Variants in TUBGCP4 observed in about 807,000 individuals in gnomAD.
The protein encoded by TUBGCP4 is tubulin gamma complex component 4.
A neutral mutation model predicts 91.6 loss-of-function variants in TUBGCP4; 54 were observed. That is an observed-to-expected ratio of 0.59 (90% confidence interval 0.47 to 0.74). The LOEUF (loss-of-function observed/expected upper bound fraction) is 0.74. TUBGCP4 is among the 30% of genes least tolerant of loss of function. The probability of loss-of-function intolerance (pLI) is 0.00; values close to 1 mark genes in which losing one functional copy is unlikely to be tolerated. For synonymous variants in TUBGCP4, 297 were observed against 302.8 expected (o/e 0.98, Z 0.20); for missense variants, 593 against 800.9 (o/e 0.74, Z 3.13).
chr15:43,393,609 A>C (rs149181595), intron 9 of TUBGCP4, among the ~76,000 whole-genome samples: 3,229 of 151,584 alleles, frequency 0.021, 53 homozygotes, highest in Middle Eastern at 0.075. Flanking sequence ...CCCCCACCCT[A>C]CAACAGTCCC....
chr15:43,407,667 C>T lies in TUBGCP4; in HGVS notation c.*2453C>T. 2 of 1,212,334 alleles carry T rather than the reference C, an allele frequency of 1.6e-6. No homozygotes were observed. The highest frequency in any genetic ancestry group is 1.5e-5 in the South Asian group (1 of 65,610). 75.1% of individuals were successfully genotyped at this position (1,212,334 alleles called of 1,614,324 possible). Reference sequence around the variant, plus strand: ...ATTCTAACCAATACATCCCACTCTGCACAAACCAAAGCCCTATTATGTCAA... The same window carrying T: ...ATTCTAACCAATACATCCCACTCTGTACAAACCAAAGCCCTATTATGTCAA... On this transcript the variant is annotated 3_prime_UTR_variant, in exon 18 of 18. Coordinates refer to ENST00000564079, the MANE Select transcript of TUBGCP4 (RefSeq NM_014444.5).
At chr15:43,395,836 G>A (rs1198099782) in intron 11 of TUBGCP4, 148 bp downstream of exon 11, 2 of 669,604 alleles carry the variant, frequency 3.0e-6, no homozygotes, top group Admixed American at 4.8e-5. Flanking sequence ...GGCTCTTGCA[G>A]GTAGGCTTCA....
In TUBGCP4 at chr15:43,395,117, AG is replaced by A; in HGVS notation, c.1026del (p.Lys342AsnfsTer2). 6.2e-7 allele frequency: 1 copy of A among 1,614,140 alleles called. No homozygotes were observed. The highest frequency in any genetic ancestry group is 8.5e-7 in the Non-Finnish European group (1 of 1,180,032). ...IRSTVAEHLWKLMVEESDLLG... is the reference protein window; with the variant it reads ...IRSTVAEHLWXLMVEESDLLG... ...TGGTTGTTTTCATAGCATCTCTGGAAGTTGATGGTAGAAGAATCCGATTTAC... is the reference window on the plus strand; with the variant it reads ...TGGTTGTTTTCATAGCATCTCTGGAATTGATGGTAGAAGAATCCGATTTAC... On this transcript the variant is annotated frameshift_variant, in exon 10 of 18. Coordinates refer to ENST00000564079, the MANE Select transcript of TUBGCP4 (RefSeq NM_014444.5). LOFTEE classifies it high-confidence loss of function.
intron 1 of TUBGCP4, among the ~76,000 whole-genome samples, chr15:43,372,102 G>A (rs2044132915): frequency 6.6e-6 from 1 of 152,314 alleles, no homozygotes; most frequent in Admixed American, 6.5e-5. Context: ...TCTGGCTTCA[G>A]TATTTGAACT....
At chr15:43,377,629 GAAAA>G (rs927238786) in intron 4 of TUBGCP4, 11 of 361,236 alleles carry the variant, frequency 3.0e-5, no homozygotes, top group Middle Eastern at 7.4e-4. Context: ...AAAAAAAAAA[GAAAA>G]AAGAAAAAAA....
Position 43,395,664 on chromosome 15 carries a change from C to G in TUBGCP4, c.1147C>G (p.Pro383Ala). The change falls in exon 11 of 18, where the codon CCA (proline) becomes GCA (alanine). Residue 383 changes from proline to alanine, a missense_variant. Coordinates refer to ENST00000564079, the MANE Select transcript of TUBGCP4 (RefSeq NM_014444.5). The stretch of plus-strand genomic sequence containing the variant: ...CACAGCTCAACACATGTTGAAAACA[C>G]CACCCACTGCAGTAACTGAGCATGG... ...IDTAQHMLKT[P>A]PTAVTEHDVN... 1 of 1,613,824 alleles carries G rather than the reference C, an allele frequency of 6.2e-7. No individual in the cohort carries two copies. Among genetic ancestry groups the G allele is most frequent in the South Asian group, 1.1e-5 (1 of 91,082 alleles).
Position 43,371,387 on chromosome 15 carries a change from G to C in TUBGCP4, c.33G>C (p.Gly11=). The C allele has an allele frequency of 6.2e-7, 1 of 1,614,110 alleles. No individual in the cohort carries two copies. Residue 11 remains glycine (G), a synonymous_variant, in exon 1 of 18, where the codon GGG becomes GGC. Coordinates refer to ENST00000564079, the MANE Select transcript of TUBGCP4 (RefSeq NM_014444.5). ...ACGAACTGCTCTTGGCTCTGAGCGG[G>C]TACCCTGGGTCCATTTTCACCTGGA... MIHELLLALS[G]YPGSIFTWNK...
At chr15:43,396,868 T>C (rs2142863523) in intron 11 of TUBGCP4, among the ~76,000 whole-genome samples, 1 of 152,330 alleles carries the variant, frequency 6.6e-6, no homozygotes, top group Admixed American at 6.5e-5. Context: ...TTGGCCTGGC[T>C]TGGTCATGTT....
At chr15:43,404,597 T>G in intron 17 of TUBGCP4, 45 bp downstream of exon 17, 1 of 1,600,166 alleles carries the variant, frequency 6.2e-7, no homozygotes, top group Non-Finnish European at 8.5e-7. Flanking sequence ...TTAAGGTGGC[T>G]TTTTAATGAG....
At chr15:43,382,359 A>G (rs2044297915) in intron 6 of TUBGCP4, among the ~76,000 whole-genome samples, 1 of 152,212 alleles carries the variant, frequency 6.6e-6, no homozygotes, top group Non-Finnish European at 1.5e-5. Context: ...GAATTCCTTC[A>G]TAGCTGTTCT....
intron 9 of TUBGCP4, 47 bp downstream of exon 9, chr15:43,386,377 A>ATATATATTTTTTTTTT (rs1555394852): frequency 5.2e-5 from 1 of 19,102 alleles, no homozygotes; most frequent in African/African-American, 3.0e-4. Context: ...ATATATATAT[A>ATATATATTTTTTTTTT]TTTTTTTTTT....
At chr15:43,371,522 A>G in intron 1 of TUBGCP4, 90 bp downstream of exon 1, 1 of 1,357,480 alleles carries the variant, frequency 7.4e-7, no homozygotes, top group Non-Finnish European at 1.0e-6. Flanking sequence ...GGACCTAGCG[A>G]GCGGGGCTTC....
intron 13 of TUBGCP4, 121 bp from the exon 14 acceptor site, chr15:43,399,923 A>G: frequency 1.7e-6 from 1 of 599,900 alleles, no homozygotes; most frequent in Non-Finnish European, 2.8e-6. Flanking sequence ...ATCTCTAGTC[A>G]CTCTTTCCTT....
chr15:43,407,725 G>GTT lies in TUBGCP4; in HGVS notation c.*2512_*2513dup. The GTT allele has an allele frequency of 2.4e-6, 2 of 818,930 alleles. No homozygotes were observed. The highest frequency in any genetic ancestry group is 3.8e-6 in the Non-Finnish European group (2 of 530,004). 50.7% of individuals were successfully genotyped at this position (818,930 alleles called of 1,614,324 possible). On this transcript the variant is annotated 3_prime_UTR_variant, in exon 18 of 18. Coordinates refer to ENST00000564079, the MANE Select transcript of TUBGCP4 (RefSeq NM_014444.5). ...GCTACTGATCATGACCAAAGGCAGA[G>GTT]TTATAATCACTATGTGCTGACCTTG...
At chr15:43,384,795 ATGCTG>A (rs2044331092) in intron 7 of TUBGCP4, among the ~76,000 whole-genome samples, 1 of 152,208 alleles carries the variant, frequency 6.6e-6, no homozygotes, top group South Asian at 2.1e-4. Flanking sequence ...ATCACTCTGG[ATGCTG>A]TGTGGGGAAT....
chr15:43,371,239 C>G lies in TUBGCP4; in HGVS notation c.-116C>G, dbSNP rs544065838. ...TCTCGGTGGGTTGATTCGGCACAAA[C>G]CGCCCGACCCAGGGGCCGGTGCGCG... On this transcript the variant is annotated 5_prime_UTR_variant, in exon 1 of 18. Transcript: ENST00000564079. 61 of 1,104,904 alleles carry G rather than the reference C, an allele frequency of 5.5e-5. No individual in the cohort carries two copies. The highest frequency in any genetic ancestry group is 5.3e-6 in the Non-Finnish European group (4 of 754,660). The allele number at this position is 1,104,904 out of a possible 1,614,324, so 68.4% of individuals were successfully genotyped here.
At chr15:43,393,193 T>G (rs1041669349) in intron 9 of TUBGCP4, among the ~76,000 whole-genome samples, 1 of 151,032 alleles carries the variant, frequency 6.6e-6, no homozygotes, top group Non-Finnish European at 1.5e-5. Context: ...TGATAAATAT[T>G]TGGGTGGCTT....
intron 9 of TUBGCP4, among the ~76,000 whole-genome samples, chr15:43,393,212 CTTT>C (rs35647356): frequency 6.5e-5 from 9 of 139,230 alleles, no homozygotes; most frequent in Admixed American, 7.1e-5. Context: ...TTCCCAATGT[CTTT>C]TTTTTTTTTT....
Position 43,408,296 on chromosome 15 carries a change from G to T in TUBGCP4, c.*3082G>T. On this transcript the variant is annotated 3_prime_UTR_variant, in exon 18 of 18. Coordinates refer to ENST00000564079, the MANE Select transcript of TUBGCP4 (RefSeq NM_014444.5). ...AGTTCGAGACCAGCCTGGGCAATGT[G>T]GTGAGACCCCATCTCTACAAAAGAC... 1 of 515,390 alleles carries T rather than the reference G, an allele frequency of 1.9e-6. No individual in the cohort carries two copies. Among genetic ancestry groups the T allele is most frequent in the South Asian group, 2.3e-5 (1 of 43,556 alleles). 31.9% of individuals were successfully genotyped at this position (515,390 alleles called of 1,614,324 possible). A position where few individuals can be genotyped will look rare whatever the true frequency, so the allele number is the denominator to read the frequency against.
Sources: allele counts gnomAD v4.1 joint callset (sites outside exome capture counted in the v4.1 genomes callset), GRCh38; gene constraint gnomAD v4.1.1; transcripts MANE v1.5; gene names NCBI Gene and HGNC (gene_info 2026-07-23, HGNC 2026-07-21).